Variants in RPGR observed in about 807,000 individuals in gnomAD.
RPGR encodes the protein retinitis pigmentosa GTPase regulator.
A neutral mutation model predicts 56.3 loss-of-function variants in RPGR; 10 were observed. The ratio of observed to expected loss-of-function variants is 0.18; its 90% CI spans 0.11 to 0.30. The LOEUF (loss-of-function observed/expected upper bound fraction) is 0.30, where lower values mean the gene tolerates loss of function less well. Among genes scored for constraint, RPGR ranks in the 10% least tolerant of loss-of-function variants. The pLI is 1.00. For missense variants in RPGR, 538 were observed against 590.9 expected (o/e 0.91, Z 0.93); for synonymous variants, 197 against 212.9 (o/e 0.93, Z 0.65).
At chrX:38,313,557 C>A (rs2067761846) in intron 6 of RPGR, among the ~76,000 whole-genome samples, 1 of 112,234 alleles carries the variant, frequency 8.9e-6, no homozygotes, top group African/African-American at 3.2e-5. Flanking sequence ...ACCACATCCT[C>A]CTCTTCCTCT....
chrX:38,291,673 A>G (rs183903596), intron 11 of RPGR, among the ~76,000 whole-genome samples, 189 bp from the exon 12 acceptor site: 9 of 112,684 alleles, frequency 8.0e-5, no homozygotes, highest in African/African-American at 2.9e-4. Context: ...TCTTTGTGAA[A>G]GTTTAAAAAC....
intron 15 of RPGR, among the ~76,000 whole-genome samples, chrX:38,277,747 G>A (rs761526602): frequency 3.8e-4 from 43 of 112,087 alleles, no homozygotes; most frequent in Non-Finnish European, 6.8e-4. Context: ...ATTAGCTTTT[G>A]ATGGTCAGCT....
At chrX:38,314,885 T>A (rs1162421725) in intron 6 of RPGR, among the ~76,000 whole-genome samples, 1 of 111,760 alleles carries the variant, frequency 8.9e-6, no homozygotes, top group Non-Finnish European at 1.9e-5. Context: ...AGTTACCATA[T>A]GATCCAGCAA....
At chrX:38,285,863 T>C in intron 15 of RPGR, 1 of 1,197,878 alleles carries the variant, frequency 8.3e-7, no homozygotes, top group Non-Finnish European at 1.1e-6. Flanking sequence ...TCCTTTTCCC[T>C]TTCTTCTCCT....
rs145168133 is a variant in RPGR, at chrX:38,301,496, T to C, written c.935-125A>G. 0.018 allele frequency: 11,166 copies of C among 604,011 alleles called. 96 individuals are homozygous for C. Among genetic ancestry groups the C allele is most frequent in the South Asian group, 0.045 (1,654 of 36,880 alleles). 49.8% of individuals were successfully genotyped at this position (604,011 alleles called of 1,213,427 possible). A position where few individuals can be genotyped will look rare whatever the true frequency, so the allele number is the denominator to read the frequency against. On this transcript the variant is annotated intron_variant, in intron 8 of 18. Transcript: ENST00000642395. ...TCCCCCTCAAATTCTGCCTTGAATT[T>C]ACTCTATTGATCTTTCCACACTCTC... is the stretch of plus-strand genomic sequence containing the variant.
chrX:38,315,579 G>A (rs1011107502), intron 6 of RPGR, among the ~76,000 whole-genome samples: 2 of 111,330 alleles, frequency 1.8e-5, no homozygotes, highest in African/African-American at 6.5e-5. Context: ...GTAGTGGGGT[G>A]TGTGTAGGAG....
chrX:38,299,176 T>A (rs765628348), intron 9 of RPGR, 35 bp from the exon 10 acceptor site: 7 of 1,184,580 alleles, frequency 5.9e-6, no homozygotes, highest in Admixed American at 2.2e-5. Context: ...CTCATCAACA[T>A]TGGCTTCAAA....
chrX:38,287,818 C>G, intron 14 of RPGR, 43 bp downstream of exon 14: 1 of 1,125,592 alleles, frequency 8.9e-7, no homozygotes, highest in Non-Finnish European at 1.2e-6. Context: ...TAAACCCTCT[C>G]CATCAGTGTC....
rs764205212 is a variant in RPGR, at chrX:38,285,706, C to T, written c.1905+1388G>A. ...CTTTTTTTGATATGTTTTATGTTTG[C>T]CATATTTCACAGATCCTTTTATTTT... On this transcript the variant is annotated intron_variant, in intron 15 of 18. Transcript: ENST00000642395. 28 of 1,208,937 alleles carry T rather than the reference C, an allele frequency of 2.3e-5. No homozygotes were observed. The highest frequency in any genetic ancestry group is 1.1e-6 in the Non-Finnish European group (1 of 894,953).
chrX:38,301,584 A>G (rs1186428556), intron 8 of RPGR, among the ~76,000 whole-genome samples: 1 of 111,134 alleles, frequency 9.0e-6, no homozygotes, highest in African/African-American at 3.3e-5. Context: ...AAATCAATTA[A>G]CCTTGGTGGT....
At chrX:38,291,128 T>TA (rs1406514832) in intron 12 of RPGR, 104 bp from the exon 13 acceptor site, 130 of 157,060 alleles carry the variant, frequency 8.3e-4, no homozygotes, top group African/African-American at 5.3e-3. Context: ...TATATATTTT[T>TA]TTATATATAT....
chrX:38,274,498 A>G (rs1253686685), intron 17 of RPGR, among the ~76,000 whole-genome samples: 1 of 112,220 alleles, frequency 8.9e-6, no homozygotes, highest in Admixed American at 9.4e-5. Context: ...GAGAGAAAAA[A>G]GGTAGTAAAA....
At chrX:38,310,871 C>T (rs1378417081) in intron 6 of RPGR, 98 bp from the exon 7 acceptor site, 6 of 704,458 alleles carry the variant, frequency 8.5e-6, no homozygotes, top group Non-Finnish European at 1.3e-5. Flanking sequence ...TCACTTAATA[C>T]ATTTGACCTT....
At position 38,323,364 on chromosome X, in the gene RPGR, G is replaced by T. The variant is rs769404873; in HGVS notation, c.154+35C>A. ...TAACAAAATATTTAGAATTTTCTAAGTATTACTGTCCTTATTCAGGATTGT... is the reference window on the plus strand; with the variant it reads ...TAACAAAATATTTAGAATTTTCTAATTATTACTGTCCTTATTCAGGATTGT... On this transcript the variant is annotated intron_variant, in intron 2 of 18. Transcript: ENST00000642395. The T allele has an allele frequency of 1.9e-5, 22 of 1,146,590 alleles. No homozygotes were observed. The Admixed American group carries it at 4.9e-4, about 26-fold the overall frequency. 94.5% of individuals were successfully genotyped at this position (1,146,590 alleles called of 1,213,427 possible).
rs780184464 is a variant in RPGR, at chrX:38,285,260, TATA to T, written c.1905+1831_1905+1833del. 133 of 977,682 alleles carry T rather than the reference TATA, an allele frequency of 1.4e-4. No individual in the cohort carries two copies. The African/African-American group carries it at 2.3e-3, about 17-fold the overall frequency. 80.6% of individuals were successfully genotyped at this position (977,682 alleles called of 1,213,427 possible). Reference sequence around the variant, plus strand: ...TTCCTAAAGCTGCCTTTAATGAATATATAATGTTAATAATCTGATATGACCTTT... The same window carrying T: ...TTCCTAAAGCTGCCTTTAATGAATATATGTTAATAATCTGATATGACCTTT... On this transcript the variant is annotated intron_variant, in intron 15 of 18. Coordinates refer to ENST00000642395, the MANE Select transcript of RPGR (RefSeq NM_000328.3).
intron 1 of RPGR, 65 bp downstream of exon 1, chrX:38,327,275 G>A (rs1239957140): frequency 2.4e-5 from 26 of 1,100,274 alleles, no homozygotes; most frequent in Non-Finnish European, 3.0e-5. Context: ...CGATCCGGAG[G>A]CGGGGCCCGG....
intron 18 of RPGR, among the ~76,000 whole-genome samples, chrX:38,270,826 A>G (rs186946349): frequency 1.8e-5 from 2 of 110,398 alleles, no homozygotes; most frequent in East Asian, 5.7e-4. Context: ...AGAATATAAG[A>G]AAAGAGGCAA....
intron 11 of RPGR, among the ~76,000 whole-genome samples, chrX:38,292,662 T>A (rs1246634020): frequency 8.9e-6 from 1 of 112,546 alleles, no homozygotes; most frequent in East Asian, 2.8e-4. Flanking sequence ...ATAAAACATG[T>A]TTGGGTATAC....
chrX:38,297,349 C>T lies in RPGR; in HGVS notation c.1349G>A (p.Cys450Tyr). The change falls in exon 11 of 19, where the codon TGT becomes TAT. Residue 450 changes from cysteine to tyrosine, a missense_variant. Coordinates refer to ENST00000642395, the MANE Select transcript of RPGR (RefSeq NM_000328.3). ...ACTCTCTTGGAGGTTTCTCTCAGAACATCGTGGAAAGACTGAATTGGGGAG... is the reference window on the plus strand; with the variant it reads ...ACTCTCTTGGAGGTTTCTCTCAGAATATCGTGGAAAGACTGAATTGGGGAG... The T allele has an allele frequency of 8.3e-7, 1 of 1,210,047 alleles. No homozygotes were observed. The highest frequency in any genetic ancestry group is 1.1e-6 in the Non-Finnish European group (1 of 894,853).
Sources: allele counts gnomAD v4.1 joint callset (sites outside exome capture counted in the v4.1 genomes callset), GRCh38; gene constraint gnomAD v4.1.1; transcripts MANE v1.5; gene names NCBI Gene and HGNC (gene_info 2026-07-23, HGNC 2026-07-21).